CYP2R1: variants seen among roughly 807,000 people sequenced by gnomAD.
The protein encoded by CYP2R1 is cytochrome P450 family 2 subfamily R member 1.
Under a neutral mutation model 45.7 loss-of-function variants are expected in CYP2R1, and 40 were observed. The ratio of observed to expected loss-of-function variants is 0.87; its 90% CI spans 0.68 to 1.14. CYP2R1 has a LOEUF of 1.14. Among genes scored for constraint, CYP2R1 ranks in the 50% most tolerant of loss-of-function variants. CYP2R1 has a pLI of 0.00. For synonymous variants in CYP2R1, 234 were observed against 219.3 expected, an observed-to-expected ratio of 1.07 and a Z score of -0.59; for missense variants, 605 against 602.6, an observed-to-expected ratio of 1.00 and a Z score of -0.04.
rs1848327228 is a variant in CYP2R1 at position 14,880,302 on chromosome 11, A to G, written c.834T>C (p.Asp278=). 1.9e-6 allele frequency: 3 copies of G among 1,613,130 alleles called. No homozygotes were observed. Among genetic ancestry groups the G allele is most frequent in the African/African-American group, 1.3e-5 (1 of 74,872 alleles). The change falls in exon 3 of 5, where the codon GAT becomes GAC. Residue 278 remains aspartate, a synonymous_variant. Coordinates refer to ENST00000334636, the MANE Select transcript of CYP2R1 (RefSeq NM_024514.5). ...RKPQLPQHFV[D]AYLDEMDQGK... ...CTTGATCCATCTCATCTAAATAAGCATCAACAAAATGCTGAGGTAGCTGAG... is the reference window on the plus strand; with the variant it reads ...CTTGATCCATCTCATCTAAATAAGCGTCAACAAAATGCTGAGGTAGCTGAG...
chr11:14,885,758 A>C lies in CYP2R1; in HGVS notation c.367+18T>G. 1.2e-6 allele frequency: 2 copies of C among 1,610,412 alleles called. No individual in the cohort carries two copies. Among genetic ancestry groups the C allele is most frequent in the South Asian group, 2.2e-5 (2 of 90,950 alleles). ...AAAATATCTTAGTAAATCACTAAAT[A>C]GGTGCAAATAAACATACCTCCCATT... On this transcript the variant is annotated intron_variant, in intron 2 of 4. Transcript: ENST00000334636.
rs542334082 is a variant in CYP2R1, at chr11:14,877,999, T to C, written c.*123A>G. 2.0e-6 allele frequency: 2 copies of C among 977,280 alleles called. No homozygotes were observed. The highest frequency in any genetic ancestry group is 4.3e-5 in the Admixed American group (2 of 46,614). The allele number at this position is 977,280 out of a possible 1,614,324, so 60.5% of individuals were successfully genotyped here. A position where few individuals can be genotyped will look rare whatever the true frequency, so the allele number is the denominator to read the frequency against. ...TGCTCTAGTACTATTTTAAGACACA[T>C]CTGTGTTCATTTGGCTTTTTGATGC... On this transcript the variant is annotated 3_prime_UTR_variant, in exon 5 of 5. Coordinates refer to ENST00000334636, the MANE Select transcript of CYP2R1 (RefSeq NM_024514.5).
At chr11:14,881,763 G>A (rs782108841) in intron 2 of CYP2R1, among the ~76,000 whole-genome samples, 1 of 152,084 alleles carries the variant, frequency 6.6e-6, no homozygotes, top group Admixed American at 6.6e-5. Flanking sequence ...CTTCTGCCAT[G>A]ATTGTGAGCT....
In CYP2R1 at chr11:14,883,059, C is replaced by A. The variant is rs183554378; in HGVS notation, c.368-2291G>T. On this transcript the variant is annotated intron_variant, in intron 2 of 4. Transcript: ENST00000334636. ...GGAAACAAACAAATGGAAGAACATT[C>A]CATGCTCATGGGTAGGAGGAATCAA... 2.0e-3 allele frequency among the ~76,000 whole-genome samples: 301 copies of A among 152,294 alleles called. 1 individual carries two copies. The highest frequency in any genetic ancestry group is 6.9e-3 in the African/African-American group (285 of 41,552).
intron 1 of CYP2R1, among the ~76,000 whole-genome samples, chr11:14,888,433 T>C (rs1244722583): frequency 6.6e-6 from 1 of 152,238 alleles, no homozygotes; most frequent in African/African-American, 2.4e-5. Flanking sequence ...TGCAAAGTGC[T>C]GTTGATGAAA....
intron 1 of CYP2R1, chr11:14,891,393 T>A: frequency 1.0e-6 from 1 of 985,516 alleles, no homozygotes; most frequent in Non-Finnish European, 1.2e-6. Flanking sequence ...CCGCAGCGGA[T>A]TTTAGTCATC....
intron 2 of CYP2R1, among the ~76,000 whole-genome samples, chr11:14,882,332 T>C (rs959451234): frequency 1.2e-4 from 19 of 152,056 alleles, no homozygotes; most frequent in Admixed American, 6.6e-5. Flanking sequence ...ACTGAGAAGA[T>C]GACATCTGAG....
intron 2 of CYP2R1, 47 bp downstream of exon 2, chr11:14,885,729 A>G: frequency 6.3e-7 from 1 of 1,589,214 alleles, no homozygotes; most frequent in South Asian, 1.1e-5. Context: ...AAGGAATGTG[A>G]TTTAAAATAT....
In CYP2R1 at chr11:14,892,224, C is replaced by G; in HGVS notation, c.-19G>C. 1 of 1,604,302 alleles carries G rather than the reference C, an allele frequency of 6.2e-7. No homozygotes were observed. The highest frequency in any genetic ancestry group is 8.5e-7 in the Non-Finnish European group (1 of 1,177,154). ...TCCACATCGGCCCGAGCTGGAGGTG[C>G]GAACTCCACAGCAGCCCTGAGACCC... On this transcript the variant is annotated 5_prime_UTR_variant, in exon 1 of 5. Transcript: ENST00000334636.
At position 14,880,817 on chromosome 11, in the gene CYP2R1, A is replaced by G. The variant is rs1378351481; in HGVS notation, c.368-49T>C. 126 of 1,535,700 alleles carry G rather than the reference A, an allele frequency of 8.2e-5. No individual in the cohort carries two copies. The East Asian group carries it at 2.9e-3, about 36-fold the overall frequency. ...GTATAATTCCTACTTCTCTGTATCT[A>G]AAAAATGAAAGGGAACAAAATTTTT... On this transcript the variant is annotated intron_variant, in intron 2 of 4. Transcript: ENST00000334636.
intron 2 of CYP2R1, among the ~76,000 whole-genome samples, chr11:14,883,967 A>G (rs1369301688): frequency 6.6e-6 from 1 of 152,104 alleles, no homozygotes; most frequent in African/African-American, 2.4e-5. Context: ...AATGCAAATC[A>G]AAACCATAAT....
At chr11:14,891,893 G>A in intron 1 of CYP2R1, 88 bp downstream of exon 1, 2 of 1,502,450 alleles carry the variant, frequency 1.3e-6, no homozygotes, top group Admixed American at 2.1e-5. Flanking sequence ...AGTCGGCCCA[G>A]GGGCGGCCAT....
In CYP2R1 at chr11:14,879,254, C is replaced by G; in HGVS notation, c.1190G>C (p.Gly397Ala). 1 of 1,613,182 alleles carries G rather than the reference C, an allele frequency of 6.2e-7. No homozygotes were observed. The change falls in exon 4 of 5, where the codon GGC becomes GCC. Residue 397 changes from glycine (G) to alanine (A), a missense_variant. Transcript: ENST00000334636. ...AVVRGYSIPKGTTVITNLYSV... is the reference protein window; with the variant it reads ...AVVRGYSIPKATTVITNLYSV... The stretch of plus-strand genomic sequence containing the variant: ...ATAAAGATTTGTAATTACTGTTGTG[C>G]CTTTAGGAATGGAATAACCACGTAC...
intron 1 of CYP2R1, chr11:14,890,369 G>C (rs1467992838): frequency 1.9e-6 from 1 of 513,418 alleles, no homozygotes; most frequent in Middle Eastern, 9.9e-4. Flanking sequence ...TGAAAATCAT[G>C]GGAATAAACT....
Position 14,879,163 on chromosome 11 carries a change from G to T in CYP2R1, c.1281C>A (p.Asp427Glu). The T allele has an allele frequency of 6.2e-7, 1 of 1,613,184 alleles. No homozygotes were observed. Among genetic ancestry groups the T allele is most frequent in the Non-Finnish European group, 8.5e-7 (1 of 1,179,500 alleles). The change falls in exon 4 of 5, where the codon GAC (aspartate) becomes GAA (glutamate). Residue 427 changes from aspartate (D) to glutamate (E), a missense_variant. Physicochemically the swap from Asp to Glu is conservative, Grantham distance 45 (BLOSUM62 2). Transcript: ENST00000334636. ...PEVFHPERFL[D>E]SSGYFAKKEA... ...CCTTCTTGGCAAAATATCCACTGCT[G>T]TCCAGAAATCGCTCAGGATGGAACA... is the stretch of plus-strand genomic sequence containing the variant.
In CYP2R1 at chr11:14,880,130, C is replaced by T; in HGVS notation, c.1000+6G>A. ...TAGACCCTGAGATCATCAAGAGAAT[C>T]CTCACCTTGAATATTAGGATAAAGG... is the stretch of plus-strand genomic sequence containing the variant. On this transcript the variant is annotated splice_donor_region_variant and intron_variant, in intron 3 of 4. Transcript: ENST00000334636. 6.2e-7 allele frequency: 1 copy of T among 1,612,222 alleles called. No individual in the cohort carries two copies. The highest frequency in any genetic ancestry group is 8.5e-7 in the Non-Finnish European group (1 of 1,178,856).
At chr11:14,891,101 T>C (rs1348810122) in intron 1 of CYP2R1, 4 of 985,364 alleles carry the variant, frequency 4.1e-6, no homozygotes, top group Admixed American at 6.1e-5. Context: ...AGGTGAGCTC[T>C]GTCCCAGGAC....
rs1180369966 is a variant in CYP2R1 at position 14,879,418 on chromosome 11, TAAATC to T, written c.1021_1025del (p.Asp341AsnfsTer5). ...AAGGCTTCCCATTAGGGCCCATAAT[TAAATC>T]AATCTCTTTCTGAACTTGTCCTGTC... is the stretch of plus-strand genomic sequence containing the variant. On this transcript the variant is annotated frameshift_variant, in exon 4 of 5. Transcript: ENST00000334636. LOFTEE classifies it high-confidence loss of function. 6.2e-7 allele frequency: 1 copy of T among 1,604,282 alleles called. No homozygotes were observed. Among genetic ancestry groups the T allele is most frequent in the Non-Finnish European group, 8.5e-7 (1 of 1,179,216 alleles).
intron 1 of CYP2R1, chr11:14,886,138 C>G: frequency 1.8e-6 from 1 of 554,448 alleles, no homozygotes; most frequent in Non-Finnish European, 3.2e-6. Context: ...AAGTCACAGT[C>G]TTACCAACAG....
Sources: gnomAD v4.1 joint callset for allele counts (sites outside exome capture counted in the v4.1 genomes callset) on GRCh38, gnomAD v4.1.1 for gene constraint, MANE v1.5 for transcripts, NCBI Gene and HGNC (gene_info 2026-07-23, HGNC 2026-07-21) for gene names.